Variants in RAB38 observed in about 807,000 individuals in gnomAD.
The protein encoded by RAB38 is RAB38, member RAS oncogene family.
Under a neutral mutation model 18.4 loss-of-function variants are expected in RAB38, and 15 were observed. The observed-to-expected ratio is 0.82, with a 90% confidence interval of 0.55 to 1.26. RAB38 has a LOEUF of 1.26. RAB38 is among the 50% of genes most tolerant of loss of function. The pLI is 0.00. For synonymous variants in RAB38, 101 were observed against 104.4 expected, an observed-to-expected ratio of 0.97 and a Z score of 0.20; for missense variants, 294 against 267.4, an observed-to-expected ratio of 1.10 and a Z score of -0.69.
chr11:87,866,393 A>G, the RAB38 span, among the ~76,000 whole-genome samples: 97 of 151,698 alleles, frequency 6.4e-4, no homozygotes, highest in Non-Finnish European at 1.2e-3. Context: ...ATTGCTTTCC[A>G]TGGCATTGCT....
the RAB38 span, among the ~76,000 whole-genome samples, chr11:87,977,327 CAAGTATATTATAAAATTATATATTATAT>C: frequency 4.0e-5 from 5 of 125,600 alleles, no homozygotes; most frequent in Admixed American, 8.4e-5. Context: ...TTATATTATA[CAAGTATATTATAAAATTATATATTATAT>C]AAGTATATTA....
chr11:88,117,898 A>C (rs1942577880), intron 2 of RAB38, among the ~76,000 whole-genome samples: 1 of 152,236 alleles, frequency 6.6e-6, no homozygotes, highest in East Asian at 1.9e-4. Flanking sequence ...TATTCTCCTC[A>C]TACAAGTTAA....
At chr11:88,004,586 G>T in the RAB38 span, among the ~76,000 whole-genome samples, 1 of 151,186 alleles carries the variant, frequency 6.6e-6, no homozygotes, top group Non-Finnish European at 1.5e-5. Flanking sequence ...AGCATTGTCG[G>T]TACTCACTCC....
chr11:88,089,086 A>G, the RAB38 span, among the ~76,000 whole-genome samples: 1 of 151,978 alleles, frequency 6.6e-6, no homozygotes. Flanking sequence ...TATTTATGAC[A>G]TTACAAGAAA....
At chr11:87,845,746 A>G in the RAB38 span, among the ~76,000 whole-genome samples, 1 of 152,160 alleles carries the variant, frequency 6.6e-6, no homozygotes. Context: ...GACACAGACA[A>G]ACTGCTCAAT....
At chr11:87,920,931 T>C in the RAB38 span, among the ~76,000 whole-genome samples, 1 of 152,024 alleles carries the variant, frequency 6.6e-6, no homozygotes, top group Non-Finnish European at 1.5e-5. Context: ...TATTGGGTAA[T>C]CTATAATTAG....
At chr11:87,886,824 G>GTTTTTTT in the RAB38 span, among the ~76,000 whole-genome samples, 10 of 139,024 alleles carry the variant, frequency 7.2e-5, 1 homozygote, top group Non-Finnish European at 9.2e-5. Flanking sequence ...TGAAGCACTT[G>GTTTTTTT]TTTTTTTTTT....
chr11:87,976,608 T>TAATATATATA, the RAB38 span, among the ~76,000 whole-genome samples: 2 of 103,138 alleles, frequency 1.9e-5, no homozygotes, highest in Non-Finnish European at 1.8e-5. Context: ...TATAAATACA[T>TAATATATATA]ATTTTACATG....
At chr11:88,110,938 C>G (rs1016401163), downstream of RAB38, among the ~76,000 whole-genome samples, 1 of 151,864 alleles carries the variant, frequency 6.6e-6, no homozygotes, top group African/African-American at 2.4e-5. Flanking sequence ...GCCAGAAGTT[C>G]GAGACCAGGA....
chr11:88,020,084 C>T, the RAB38 span, among the ~76,000 whole-genome samples: 1 of 152,030 alleles, frequency 6.6e-6, no homozygotes, highest in Non-Finnish European at 1.5e-5. Flanking sequence ...TAGGCCTTAC[C>T]CTCAAAGGTT....
At chr11:88,138,780 T>C (rs1457407198) in intron 2 of RAB38, among the ~76,000 whole-genome samples, 1 of 109,646 alleles carries the variant, frequency 9.1e-6, no homozygotes, top group Non-Finnish European at 2.0e-5. Flanking sequence ...TTATTATTCT[T>C]TTTTTTTTAT....
At chr11:87,813,532 C>CACACACACAG in the RAB38 span, among the ~76,000 whole-genome samples, 1 of 149,180 alleles carries the variant, frequency 6.7e-6, no homozygotes, top group Non-Finnish European at 1.5e-5. Context: ...CACACACACA[C>CACACACACAG]ACATCTCTGT....
the RAB38 span, among the ~76,000 whole-genome samples, chr11:88,064,444 T>C: frequency 6.6e-6 from 1 of 152,204 alleles, no homozygotes; most frequent in Admixed American, 6.5e-5. Flanking sequence ...ATAGGGTCTG[T>C]CTCTCTCACC....
chr11:87,849,726 C>A, the RAB38 span, among the ~76,000 whole-genome samples: 1 of 152,060 alleles, frequency 6.6e-6, no homozygotes, highest in Non-Finnish European at 1.5e-5. Context: ...TCTTTTCATC[C>A]AGAAACTTCC....
chr11:88,119,001 C>T (rs1248550908), intron 2 of RAB38, among the ~76,000 whole-genome samples: 2 of 152,174 alleles, frequency 1.3e-5, no homozygotes, highest in Non-Finnish European at 2.9e-5. Context: ...TCTGTCATTT[C>T]AACCAAGACT....
At chr11:87,975,502 G>A in the RAB38 span, among the ~76,000 whole-genome samples, 18 of 151,970 alleles carry the variant, frequency 1.2e-4, no homozygotes, top group Non-Finnish European at 2.2e-4. Flanking sequence ...ACACGAAATG[G>A]AGATGACTAA....
chr11:88,132,494 GT>G (rs1175657670), intron 2 of RAB38, among the ~76,000 whole-genome samples: 7 of 152,184 alleles, frequency 4.6e-5, no homozygotes, highest in African/African-American at 1.4e-4. Flanking sequence ...TTTCACTCTT[GT>G]TGGCCAGGCT....
intron 1 of RAB38, among the ~76,000 whole-genome samples, chr11:88,151,119 T>C (rs2134829271): frequency 6.6e-6 from 1 of 152,336 alleles, no homozygotes; most frequent in Admixed American, 6.5e-5. Context: ...ACGTTCTGAT[T>C]GAATATTGTC....
chr11:87,972,158 G>A, the RAB38 span, among the ~76,000 whole-genome samples: 20 of 151,954 alleles, frequency 1.3e-4, no homozygotes, highest in Admixed American at 3.3e-4. Context: ...ATAGTATGGC[G>A]CCAAAAATAA....
Sources: allele counts gnomAD v4.1 joint callset (sites outside exome capture counted in the v4.1 genomes callset), GRCh38; gene constraint gnomAD v4.1.1; transcripts MANE v1.5; gene names NCBI Gene and HGNC (gene_info 2026-07-23, HGNC 2026-07-21).